The following COL6A1 variants were observed in gnomAD, a reference collection of about 807,000 sequenced individuals.
COL6A1 encodes the protein collagen type VI alpha 1 chain.
In COL6A1, 80 loss-of-function variants were observed where a neutral mutation model predicts 145.6. That is an observed-to-expected ratio of 0.55 (90% CI 0.46 to 0.66). The LOEUF is 0.66. Among genes scored for constraint, COL6A1 ranks in the 30% least tolerant of loss-of-function variants. The pLI is 0.00. For synonymous variants in COL6A1, 638 were observed against 622.8 expected, an observed-to-expected ratio of 1.02 and a Z score of -0.36; for missense variants, 1,364 against 1,473.8, an observed-to-expected ratio of 0.93 and a Z score of 1.22.
intron 27 of COL6A1, 44 bp from the exon 28 acceptor site, chr21:46,000,287 A>G: frequency 8.1e-6 from 13 of 1,610,768 alleles, no homozygotes; most frequent in Non-Finnish European, 1.0e-5. Context: ...CCCCGCTGGG[A>G]GGGGCTGTCT....
At position 45,984,371 on chromosome 21, in the gene COL6A1, C is replaced by T. The variant is rs564528164; in HGVS notation, c.330C>T (p.Arg110=). ...IQGLTRMPGG[R]DALKSSVDAV... ...GCCTCACGCGCATGCCTGGCGGCCG[C>T]GACGCACTCAAAAGCAGCGTGGACG... Residue 110 remains arginine (R), a synonymous_variant, in exon 3 of 35, where the codon CGC becomes CGT. Transcript: ENST00000361866. 8.1e-6 allele frequency: 13 copies of T among 1,612,692 alleles called. No individual in the cohort carries two copies. Among genetic ancestry groups the T allele is most frequent in the African/African-American group, 4.0e-5 (3 of 75,066 alleles).
At chr21:45,999,762 G>C (rs1569518852) in intron 27 of COL6A1, 70 bp downstream of exon 27, 1 of 1,424,698 alleles carries the variant, frequency 7.0e-7, no homozygotes, top group Non-Finnish European at 9.6e-7. Flanking sequence ...TGTGGGTCCT[G>C]TCCATGGGTG....
intron 15 of COL6A1, 72 bp downstream of exon 15, chr21:45,991,113 T>C: frequency 6.6e-7 from 1 of 1,523,322 alleles, no homozygotes; most frequent in Non-Finnish European, 9.1e-7. Context: ...AAACCTCTCC[T>C]GGAAGCAAGT....
rs369420615 is a variant in COL6A1, at chr21:45,994,101, C to T, written c.1336-66C>T. On this transcript the variant is annotated intron_variant, in intron 19 of 34. Transcript: ENST00000361866. The surrounding 1 kb of genome is among the most constrained non-coding windows in gnomAD (Gnocchi z 6.8). ...CTGGACAGCATGCTGTGGCTCCCAGCGTGCCCGGGCAGCCATCCTCCCCAA... is the reference window on the plus strand; with the variant it reads ...CTGGACAGCATGCTGTGGCTCCCAGTGTGCCCGGGCAGCCATCCTCCCCAA... 1.1e-5 allele frequency: 17 copies of T among 1,491,456 alleles called. No homozygotes were observed. The highest frequency in any genetic ancestry group is 1.7e-4 in the Middle Eastern group (1 of 5,774). 92.4% of individuals were successfully genotyped at this position (1,491,456 alleles called of 1,614,324 possible). A position where few individuals can be genotyped will look rare whatever the true frequency, so the allele number is the denominator to read the frequency against.
intron 27 of COL6A1, 137 bp downstream of exon 27, chr21:45,999,829 C>T (rs1309093339): frequency 4.4e-6 from 3 of 676,814 alleles, no homozygotes; most frequent in South Asian, 1.7e-5. Context: ...TGGTGCCAGG[C>T]CCTAGGGACC....
rs563853179 is a variant in COL6A1 at position 45,999,795 on chromosome 21, G to C, written c.1776+103G>C. On this transcript the variant is annotated intron_variant, in intron 27 of 34. Transcript: ENST00000361866. ...GTGCTCCTGTAGACGCTGCTCACGG[G>C]GGGGTGGGTTGTGGACAAAGAGCTG... 7.1e-5 allele frequency: 68 copies of C among 962,958 alleles called. 1 individual carries two copies. The Admixed American group carries it at 1.1e-3, about 15-fold the overall frequency. The allele number at this position is 962,958 out of a possible 1,614,324, so 59.7% of individuals were successfully genotyped here.
At chr21:46,001,522 C>T (rs1412743635) in intron 30 of COL6A1, 136 bp downstream of exon 30, 12 of 1,235,030 alleles carry the variant, frequency 9.7e-6, no homozygotes, top group Non-Finnish European at 1.4e-5. Flanking sequence ...GACAAGGATG[C>T]CAGGCACGCG....
rs773851630 is a variant in COL6A1, at chr21:46,003,411, G to A, written c.2485G>A (p.Asp829Asn). Residue 829 changes from aspartate (D) to asparagine (N), a missense_variant, in exon 35 of 35, where the codon GAC (aspartate) becomes AAC (asparagine). Physicochemically the swap from Asp to Asn is conservative, Grantham distance 23. Transcript: ENST00000361866. Reference protein sequence around the residue: ...TCPITFSSPADITILLDGSAS... With the variant: ...TCPITFSSPANITILLDGSAS... ...CGCAGTCACGTTCTCCTCCCCGGCT[G>A]ACATCACCATCCTGCTGGACGGCTC... 1.2e-6 allele frequency: 2 copies of A among 1,601,610 alleles called. No individual in the cohort carries two copies. The highest frequency in any genetic ancestry group is 2.2e-5 in the South Asian group (2 of 91,062).
intron 27 of COL6A1, 109 bp from the exon 28 acceptor site, chr21:46,000,222 C>A: frequency 7.7e-7 from 1 of 1,294,508 alleles, no homozygotes; most frequent in Non-Finnish European, 1.1e-6. Flanking sequence ...CCTGCCCAAA[C>A]CCCGCCCTGT....
Position 45,992,022 on chromosome 21 carries a change from G to A in COL6A1, c.1132G>A (p.Ala378Thr), listed in dbSNP as rs1057518005. ...GLKGEKGEPGADGEAGRPGSS... is the reference protein window; with the variant it reads ...GLKGEKGEPGTDGEAGRPGSS... Reference sequence around the variant, plus strand: ...CGGTCTTCCCCAGGGCGAGCCTGGAGCTGACGGGGAGGCGGGGAGACCAGG... The same window carrying A: ...CGGTCTTCCCCAGGGCGAGCCTGGAACTGACGGGGAGGCGGGGAGACCAGG... The change falls in exon 16 of 35, where the codon GCT (alanine) becomes ACT (threonine). Residue 378 changes from alanine (A) to threonine (T), a missense_variant. By Grantham distance (58) the Ala-to-Thr change is moderately conservative. This residue lies in a region of COL6A1 where 938 missense variants were observed against 1,003.8 expected (regional missense o/e 0.93). Coordinates refer to ENST00000361866, the MANE Select transcript of COL6A1 (RefSeq NM_001848.3). The A allele has an allele frequency of 6.3e-7, 1 of 1,599,500 alleles. No homozygotes were observed.
At chr21:45,989,802 C>G in intron 11 of COL6A1, 24 bp downstream of exon 11, 1 of 1,612,690 alleles carries the variant, frequency 6.2e-7, no homozygotes, top group East Asian at 2.2e-5. Flanking sequence ...GACCTCGGAG[C>G]TGGTCTCTCC....
intron 20 of COL6A1, among the ~76,000 whole-genome samples, chr21:45,997,076 G>T (rs776153991): frequency 1.5e-4 from 23 of 150,594 alleles, no homozygotes; most frequent in Non-Finnish European, 2.9e-4. Context: ...GCACCAGCCG[G>T]GCACTCACCG....
At chr21:45,986,446 A>T (rs2077739186) in intron 3 of COL6A1, 80 bp from the exon 4 acceptor site, 1 of 1,433,698 alleles carries the variant, frequency 7.0e-7, no homozygotes, top group African/African-American at 1.4e-5. Flanking sequence ...GACAGGGACC[A>T]GCACCTCCCG....
intron 26 of COL6A1, 60 bp downstream of exon 26, chr21:45,999,278 G>C: frequency 6.8e-6 from 10 of 1,472,724 alleles, no homozygotes; most frequent in Non-Finnish European, 9.3e-6. Context: ...CGGATGCTGG[G>C]GCTGGGGAAT....
chr21:45,997,167 C>T (rs1425451873), intron 20 of COL6A1, among the ~76,000 whole-genome samples: 1 of 128,742 alleles, frequency 7.8e-6, no homozygotes, highest in Non-Finnish European at 1.8e-5. Context: ...CTGGGAGAGG[C>T]TTCACCCCTC....
chr21:45,989,028 C>G (rs2077758853), intron 8 of COL6A1, 56 bp from the exon 9 acceptor site: 6 of 1,592,176 alleles, frequency 3.8e-6, no homozygotes, highest in Non-Finnish European at 5.1e-6. Flanking sequence ...GTTTCGTGAG[C>G]CAGCTTTTTA....
At chr21:46,001,710 T>C (rs888170005) in intron 30 of COL6A1, among the ~76,000 whole-genome samples, 32 of 152,082 alleles carry the variant, frequency 2.1e-4, no homozygotes, top group African/African-American at 7.2e-4. Context: ...CCAAGGAAGA[T>C]TGCTTTGCAG....
chr21:45,990,924 G>A (rs887220192), intron 14 of COL6A1, 55 bp from the exon 15 acceptor site: 3 of 1,611,200 alleles, frequency 1.9e-6, no homozygotes, highest in African/African-American at 1.3e-5. Context: ...TGGGGCTGCT[G>A]CCAGAGGCCG....
chr21:46,001,006 G>C, intron 29 of COL6A1: 1 of 697,610 alleles, frequency 1.4e-6, no homozygotes, highest in Non-Finnish European at 2.4e-6. Context: ...GGGGGTCCCT[G>C]CTCCATCATT....
Sources: allele counts gnomAD v4.1 joint callset (sites outside exome capture counted in the v4.1 genomes callset), GRCh38; gene constraint gnomAD v4.1.1; regional missense constraint gnomAD v4.1.1; non-coding constraint Gnocchi (gnomAD v3.1); transcripts MANE v1.5; gene names NCBI Gene and HGNC (gene_info 2026-07-23, HGNC 2026-07-21).